MCM3: variants seen among roughly 807,000 people sequenced by gnomAD.
MCM3 encodes the protein DNA replication licensing factor MCM3.
In MCM3, 59 loss-of-function variants were observed where a neutral mutation model predicts 91.3. That is an observed-to-expected ratio of 0.65 (90% confidence interval 0.52 to 0.80). MCM3 has a LOEUF of 0.80. Among genes scored for constraint, MCM3 ranks in the 30% least tolerant of loss-of-function variants. MCM3 has a pLI of 0.00. For synonymous variants in MCM3, 383 were observed against 379.6 expected, an observed-to-expected ratio of 1.01 and a Z score of -0.10; for missense variants, 919 against 1,035.4, an observed-to-expected ratio of 0.89 and a Z score of 1.54.
In MCM3 at chr6:52,282,710, T is replaced by G; in HGVS notation, c.343A>C (p.Thr115Pro). The change falls in exon 3 of 17, where the codon ACT becomes CCT. Residue 115 changes from threonine (T) to proline (P), a missense_variant. By Grantham distance (38) the Thr-to-Pro change is conservative (BLOSUM62 -1). This residue lies in a region of MCM3 where 401 missense variants were observed against 402.7 expected (regional missense o/e 1.00). Transcript: ENST00000596288. ...CAGCTGAGGAAGCAGGAGGTAAGAG[T>G]CCGCGGGGAGACGTGCTTGGAGCCA... ...SFGSKHVSPR[T>P]LTSCFLSCVV... The G allele has an allele frequency of 6.2e-7, 1 of 1,613,510 alleles. No homozygotes were observed. The highest frequency in any genetic ancestry group is 8.5e-7 in the Non-Finnish European group (1 of 1,179,968).
At chr6:52,270,639 A>T (rs1765052688) in intron 12 of MCM3, among the ~76,000 whole-genome samples, 1 of 152,192 alleles carries the variant, frequency 6.6e-6, no homozygotes, top group Non-Finnish European at 1.5e-5. Flanking sequence ...AGAGAATCCA[A>T]ATTCTCTTGG....
intron 7 of MCM3, 21 bp from the exon 8 acceptor site, chr6:52,277,219 T>C (rs1765655366): frequency 1.2e-6 from 2 of 1,607,632 alleles, no homozygotes; most frequent in Non-Finnish European, 1.7e-6. Flanking sequence ...GGGGCAGTGA[T>C]GACTCTCTAG....
chr6:52,265,412 T>TA, intron 16 of MCM3: 1 of 216,902 alleles, frequency 4.6e-6, no homozygotes, highest in Non-Finnish European at 9.5e-6. Flanking sequence ...ATAAACACTG[T>TA]AAAAAAGTAA....
chr6:52,282,546 G>A, intron 3 of MCM3, 107 bp downstream of exon 3: 1 of 977,102 alleles, frequency 1.0e-6, no homozygotes, highest in Non-Finnish European at 1.6e-6. Flanking sequence ...TAATTCCAAT[G>A]CTCCACCTCT....
intron 9 of MCM3, among the ~76,000 whole-genome samples, chr6:52,274,524 A>C (rs1765400325): frequency 1.3e-5 from 2 of 151,936 alleles, no homozygotes; most frequent in South Asian, 2.1e-4. Context: ...ATAAAAACTT[A>C]AAAAGAAAAA....
Position 52,264,546 on chromosome 6 carries a change from C to A in MCM3, c.*42G>T. ...CAGGGAGAGGGTGGGAAACACAGAA[C>A]AAACTCTCTCGGCACAACCCAAGTT... On this transcript the variant is annotated 3_prime_UTR_variant, in exon 17 of 17. Transcript: ENST00000596288. 6.2e-7 allele frequency: 1 copy of A among 1,608,708 alleles called. No individual in the cohort carries two copies. The highest frequency in any genetic ancestry group is 8.5e-7 in the Non-Finnish European group (1 of 1,175,458).
At position 52,264,358 on chromosome 6, in the gene MCM3, A is replaced by G. The variant is rs1288471572; in HGVS notation, c.*230T>C. On this transcript the variant is annotated 3_prime_UTR_variant, in exon 17 of 17. Coordinates refer to ENST00000596288, the MANE Select transcript of MCM3 (RefSeq NM_002388.6). The stretch of plus-strand genomic sequence containing the variant: ...AGTGCTTTTGCAATGAAGATGCAAT[A>G]GTCATTGTCCTCTCCCACTGTCTCC... 5.2e-5 allele frequency: 27 copies of G among 522,472 alleles called. No individual in the cohort carries two copies. The East Asian group carries it at 8.8e-4, about 17-fold the overall frequency. 32.4% of individuals were successfully genotyped at this position (522,472 alleles called of 1,614,324 possible). A position where few individuals can be genotyped will look rare whatever the true frequency, so the allele number is the denominator to read the frequency against.
chr6:52,284,159 G>A (rs1322571320), intron 1 of MCM3, among the ~76,000 whole-genome samples: 1 of 152,182 alleles, frequency 6.6e-6, no homozygotes, highest in Non-Finnish European at 1.5e-5. Context: ...GAAAAAGAAT[G>A]CAGCCGAATT....
In MCM3 at chr6:52,284,558, C is replaced by A. The variant is rs368944980; in HGVS notation, c.78+39G>T. 3.2e-6 allele frequency: 5 copies of A among 1,560,206 alleles called. No individual in the cohort carries two copies. In the African/African-American group the frequency reaches 4.1e-5, roughly 13 times the overall value. ...CCCGGCCGGGCCGCGTCCGCAGGGG[C>A]TCCGAGCGCTAGAGCCCGCGCGCCG... On this transcript the variant is annotated intron_variant, in intron 1 of 16. Coordinates refer to ENST00000596288, the MANE Select transcript of MCM3 (RefSeq NM_002388.6).
intron 9 of MCM3, among the ~76,000 whole-genome samples, chr6:52,275,779 A>G (rs2128280448): frequency 6.6e-6 from 1 of 152,352 alleles, no homozygotes; most frequent in South Asian, 2.1e-4. Context: ...ACAAATATAA[A>G]AGATTATATC....
At position 52,278,743 on chromosome 6, in the gene MCM3, T is replaced by G. The variant is rs1182333352; in HGVS notation, c.878A>C (p.Lys293Thr). The change falls in exon 6 of 17, where the codon AAG becomes ACG. Residue 293 changes from lysine (K) to threonine (T), a missense_variant and splice_region_variant. Physicochemically the swap from Lys to Thr is moderately conservative, Grantham distance 78. Coordinates refer to ENST00000596288, the MANE Select transcript of MCM3 (RefSeq NM_002388.6). ...CAAATTTCTAAAGGATGCCCAGACC[T>G]TGGATCGGGTTTTACTGAACTTCTT... ...KIKKFSKTRS[K>T]DIFDQLAKSL... is the part of the protein sequence containing the mutation. The G allele has an allele frequency of 6.2e-7, 1 of 1,609,210 alleles. No individual in the cohort carries two copies. The highest frequency in any genetic ancestry group is 8.5e-7 in the Non-Finnish European group (1 of 1,176,420).
chr6:52,267,096 CTTTT>C (rs70977337), intron 14 of MCM3, among the ~76,000 whole-genome samples: 30 of 111,574 alleles, frequency 2.7e-4, no homozygotes, highest in African/African-American at 9.1e-4. Flanking sequence ...AGGGTATCTT[CTTTT>C]TTTTTTTTTT....
rs1460756261 is a variant in MCM3, at chr6:52,277,071, T to C, written c.1161A>G (p.Glu387=). 3 of 1,613,778 alleles carry C rather than the reference T, an allele frequency of 1.9e-6. No individual in the cohort carries two copies. The highest frequency in any genetic ancestry group is 2.5e-6 in the Non-Finnish European group (3 of 1,179,794). Residue 387 remains glutamate, a synonymous_variant, in exon 8 of 17, where the codon GAA becomes GAG. Transcript: ENST00000596288. ...CAAGGACCCTTACACCCTTACCTGT[T>C]TCCTGGTCTGTGGTGACAGCAGCCG... ...GLTAAVTTDQ[E]TGERRLEAGA...
At chr6:52,276,543 C>CA in intron 8 of MCM3, 67 bp from the exon 9 acceptor site, 1 of 1,285,382 alleles carries the variant, frequency 7.8e-7, no homozygotes, top group Non-Finnish European at 1.1e-6. Flanking sequence ...GGAAGGATTT[C>CA]AATCTCCTTC....
intron 9 of MCM3, among the ~76,000 whole-genome samples, chr6:52,274,429 C>T (rs1330656829): frequency 6.6e-6 from 1 of 152,162 alleles, no homozygotes; most frequent in Non-Finnish European, 1.5e-5. Flanking sequence ...CCTGTAATCC[C>T]AGCACTTTGG....
Position 52,279,615 on chromosome 6 carries a change from C to A in MCM3, c.532-16G>T. On this transcript the variant is annotated splice_polypyrimidine_tract_variant and intron_variant, in intron 4 of 16. Transcript: ENST00000596288. ...TCTCCTCATCCTAGAAAAAGGCACA[C>A]AGAGGGACAGAGTGATCTCCGTCCT... The A allele has an allele frequency of 6.4e-7, 1 of 1,571,868 alleles. No homozygotes were observed. Among genetic ancestry groups the A allele is most frequent in the Non-Finnish European group, 8.7e-7 (1 of 1,144,896 alleles).
chr6:52,283,920 T>G (rs914105804), intron 1 of MCM3, among the ~76,000 whole-genome samples: 1 of 149,026 alleles, frequency 6.7e-6, no homozygotes, highest in Non-Finnish European at 1.5e-5. Context: ...TAAAATGGCT[T>G]TTCATTTAAG....
intron 8 of MCM3, 33 bp from the exon 9 acceptor site, chr6:52,276,509 A>G (rs761549993): frequency 4.5e-6 from 7 of 1,570,644 alleles, no homozygotes; most frequent in African/African-American, 1.3e-5. Context: ...TACGTGCTAC[A>G]GTCTAGGTTA....
chr6:52,274,690 G>GA (rs35200263), intron 9 of MCM3, among the ~76,000 whole-genome samples: 523 of 123,798 alleles, frequency 4.2e-3, no homozygotes, highest in South Asian at 0.012. Context: ...CTATGTCTCA[G>GA]AAAAAAAAAA....
Sources: allele counts gnomAD v4.1 joint callset (sites outside exome capture counted in the v4.1 genomes callset), GRCh38; gene constraint gnomAD v4.1.1; regional missense constraint gnomAD v4.1.1; transcripts MANE v1.5; gene names NCBI Gene and HGNC (gene_info 2026-07-23, HGNC 2026-07-21).